Variants in ZNF704 observed in about 807,000 individuals in gnomAD.
ZNF704 encodes the protein glucocorticoid induced gene 1.
Under a neutral mutation model 44.7 loss-of-function variants are expected in ZNF704, and 10 were observed. The observed-to-expected ratio is 0.22, with a 90% confidence interval of 0.14 to 0.38. The LOEUF is 0.38. Among genes scored for constraint, ZNF704 ranks in the 10% least tolerant of loss-of-function variants. ZNF704 has a pLI of 1.00. For synonymous variants in ZNF704, 211 were observed against 207.6 expected (o/e 1.02, Z -0.14); for missense variants, 390 against 545.5 (o/e 0.71, Z 2.84).
chr8:80,835,918 C>A (rs1347285602), intron 1 of ZNF704, among the ~76,000 whole-genome samples: 1 of 152,178 alleles, frequency 6.6e-6, no homozygotes, highest in Non-Finnish European at 1.5e-5. Context: ...TATCTAAAAT[C>A]CAATCACTTC....
intron 5 of ZNF704, among the ~76,000 whole-genome samples, chr8:80,667,390 G>C (rs1342740242): frequency 6.6e-6 from 1 of 152,238 alleles, no homozygotes; most frequent in East Asian, 1.9e-4. Flanking sequence ...CCAAGGAGCT[G>C]TTGTCAGCAA....
intron 1 of ZNF704, among the ~76,000 whole-genome samples, chr8:80,862,933 G>C (rs1809092926): frequency 6.6e-6 from 1 of 151,844 alleles, no homozygotes; most frequent in Non-Finnish European, 1.5e-5. Context: ...TCTACCTTGG[G>C]TCATGTCAAC....
intron 4 of ZNF704, among the ~76,000 whole-genome samples, chr8:80,677,765 AAGGTTGTGTTTTGGGACCTCAG>A (rs1205711075): frequency 1.3e-5 from 2 of 152,116 alleles, no homozygotes; most frequent in Admixed American, 6.5e-5. Flanking sequence ...CAATCTCAGA[AAGGTTGTGTTTTGGGACCTCAG>A]AGATGAGCCA....
intron 2 of ZNF704, among the ~76,000 whole-genome samples, chr8:80,755,061 G>A (rs900107921): frequency 3.3e-5 from 5 of 152,142 alleles, no homozygotes; most frequent in African/African-American, 1.2e-4. Context: ...GCACTCAATT[G>A]TGTCACTCCT....
At chr8:80,691,769 T>C (rs981117646) in intron 3 of ZNF704, among the ~76,000 whole-genome samples, 1 of 152,224 alleles carries the variant, frequency 6.6e-6, no homozygotes, top group African/African-American at 2.4e-5. Flanking sequence ...CACTGCCTAT[T>C]AAACATGTTT....
At chr8:80,748,364 G>T (rs757327242) in intron 2 of ZNF704, among the ~76,000 whole-genome samples, 11 of 152,186 alleles carry the variant, frequency 7.2e-5, no homozygotes, top group Admixed American at 1.3e-4. Flanking sequence ...GAATGGGGAA[G>T]TTTTTGTTCC....
At chr8:80,711,421 T>A (rs1041532164) in intron 2 of ZNF704, among the ~76,000 whole-genome samples, 1 of 152,168 alleles carries the variant, frequency 6.6e-6, no homozygotes, top group Admixed American at 6.5e-5. Context: ...AGGTCAGGGG[T>A]AAACTCTGTA....
intron 2 of ZNF704, among the ~76,000 whole-genome samples, chr8:80,792,835 T>C (rs1807735089): frequency 6.6e-6 from 1 of 152,208 alleles, no homozygotes; most frequent in African/African-American, 2.4e-5. Flanking sequence ...GATTTATCCC[T>C]AGTTGAGCCT....
At chr8:80,744,833 G>T (rs1187458369) in intron 2 of ZNF704, among the ~76,000 whole-genome samples, 9 of 152,102 alleles carry the variant, frequency 5.9e-5, no homozygotes, top group Admixed American at 5.2e-4. Flanking sequence ...TAAACTAGAA[G>T]ACAAACAGAT....
intron 1 of ZNF704, among the ~76,000 whole-genome samples, chr8:80,848,443 T>C (rs983972777): frequency 6.6e-6 from 1 of 152,202 alleles, no homozygotes; most frequent in African/African-American, 2.4e-5. Context: ...TGGTGATATA[T>C]TATGGTTACA....
chr8:80,746,416 C>T (rs747827562), intron 2 of ZNF704, among the ~76,000 whole-genome samples: 1 of 152,106 alleles, frequency 6.6e-6, no homozygotes, highest in Admixed American at 6.5e-5. Context: ...CAACCTTTTT[C>T]GGACCTACTC....
chr8:80,860,322 C>A (rs1809038161), intron 1 of ZNF704, among the ~76,000 whole-genome samples: 1 of 152,112 alleles, frequency 6.6e-6, no homozygotes, highest in African/African-American at 2.4e-5. Context: ...TGAAATGGGG[C>A]AAGTGGAATA....
At chr8:80,641,568 G>GGAAA (rs1486762726) in intron 8 of ZNF704, 91 bp from the exon 9 acceptor site, 1 of 527,698 alleles carries the variant, frequency 1.9e-6, no homozygotes, top group Non-Finnish European at 2.9e-6. Context: ...GAGTGAGGGA[G>GGAAA]GAAAAAAAAA....
chr8:80,846,098 G>C (rs938158570), intron 1 of ZNF704, among the ~76,000 whole-genome samples: 6 of 152,102 alleles, frequency 3.9e-5, no homozygotes, highest in Admixed American at 1.3e-4. Flanking sequence ...ATGAGGGAAT[G>C]CTGCTCAAGA....
intron 1 of ZNF704, among the ~76,000 whole-genome samples, chr8:80,826,437 C>G (rs1271107045): frequency 6.6e-6 from 1 of 151,318 alleles, no homozygotes; most frequent in Non-Finnish European, 1.5e-5. Flanking sequence ...CAATAATAGC[C>G]TACAAACCAA....
At chr8:80,822,443 C>T (rs1360096963) in intron 1 of ZNF704, among the ~76,000 whole-genome samples, 1 of 152,150 alleles carries the variant, frequency 6.6e-6, no homozygotes, top group Non-Finnish European at 1.5e-5. Context: ...TCCAGTCTAT[C>T]ATTGATGGGA....
At chr8:80,796,612 A>G (rs903548308) in intron 2 of ZNF704, among the ~76,000 whole-genome samples, 2 of 152,158 alleles carry the variant, frequency 1.3e-5, no homozygotes, top group Admixed American at 1.3e-4. Context: ...GATCAACTCA[A>G]AAGTCCAAAG....
intron 2 of ZNF704, among the ~76,000 whole-genome samples, chr8:80,754,038 C>T (rs1806994071): frequency 6.6e-6 from 1 of 152,140 alleles, no homozygotes; most frequent in Non-Finnish European, 1.5e-5. Flanking sequence ...CACTTGGCTT[C>T]GAACTGTGGA....
At chr8:80,851,221 G>A (rs953441426) in intron 1 of ZNF704, among the ~76,000 whole-genome samples, 30 of 152,102 alleles carry the variant, frequency 2.0e-4, no homozygotes, top group Non-Finnish European at 3.4e-4. Flanking sequence ...CCATTACTGC[G>A]TATATACCCA....
Sources: allele counts gnomAD v4.1 joint callset (sites outside exome capture counted in the v4.1 genomes callset), GRCh38; gene constraint gnomAD v4.1.1; transcripts MANE v1.5; gene names NCBI Gene and HGNC (gene_info 2026-07-23, HGNC 2026-07-21).